Variants in FRMD6 observed in about 807,000 individuals in gnomAD.
FRMD6 encodes the protein FERM domain containing 6.
A neutral mutation model predicts 73.2 loss-of-function variants in FRMD6; 37 were observed. The ratio of observed to expected loss-of-function variants is 0.51; its 90% confidence interval spans 0.39 to 0.66. FRMD6 has a LOEUF of 0.66. Among genes scored for constraint, FRMD6 ranks in the 30% least tolerant of loss-of-function variants. FRMD6 has a pLI of 0.00. For synonymous variants in FRMD6, 273 were observed against 282.2 expected, an observed-to-expected ratio of 0.97 and a Z score of 0.33; for missense variants, 714 against 780.5, an observed-to-expected ratio of 0.91 and a Z score of 1.02.
At chr14:51,523,021 T>C (rs1398502788) in intron 1 of FRMD6, 1 of 152,138 alleles carries the variant, frequency 6.6e-6, no homozygotes, top group African/African-American at 2.4e-5. Flanking sequence ...TGTATGGAAA[T>C]ACAACAAAAT....
chr14:51,709,252 C>G (rs1314642198), intron 7 of FRMD6, among the ~76,000 whole-genome samples: 2 of 152,160 alleles, frequency 1.3e-5, no homozygotes, highest in Non-Finnish European at 2.9e-5. Flanking sequence ...ACTTACTTAA[C>G]CGCTCTGTAC....
At chr14:51,622,525 G>T (rs140626024) in intron 2 of FRMD6, among the ~76,000 whole-genome samples, 1 of 152,056 alleles carries the variant, frequency 6.6e-6, no homozygotes, top group South Asian at 2.1e-4. Flanking sequence ...AGAAGAAAAA[G>T]GTTCATTGTA....
intron 2 of FRMD6, among the ~76,000 whole-genome samples, chr14:51,613,260 A>G (rs902859875): frequency 6.6e-6 from 1 of 152,202 alleles, no homozygotes; most frequent in Non-Finnish European, 1.5e-5. Context: ...CATTGGTGAC[A>G]AAGAAACACA....
rs1898069534 is a variant in FRMD6 at position 51,727,883 on chromosome 14, C to T, written c.1723C>T (p.His575Tyr). ...TCAGAGTTACACCTTTGGATGTGGC[C>T]ATGAACTGGATGAGGAAGGCCTCTA... is the stretch of plus-strand genomic sequence containing the variant. ...TAQSYTFGCG[H>Y]ELDEEGLYCN... The change falls in exon 14 of 14, where the codon CAT becomes TAT. Residue 575 changes from histidine to tyrosine, a missense_variant. By Grantham distance (83) the His-to-Tyr change is moderately conservative (BLOSUM62 2). Coordinates refer to ENST00000344768, the MANE Select transcript of FRMD6 (RefSeq NM_001267046.2). The T allele has an allele frequency of 1.9e-6, 3 of 1,614,054 alleles. No individual in the cohort carries two copies. The highest frequency in any genetic ancestry group is 2.7e-5 in the African/African-American group (2 of 74,910).
chr14:51,427,135 T>A, the FRMD6 span, among the ~76,000 whole-genome samples: 3 of 152,244 alleles, frequency 2.0e-5, no homozygotes, highest in African/African-American at 7.2e-5. Context: ...GCTCAGGACC[T>A]TTTATTAGCA....
chr14:51,526,342 C>T (rs1179625463), intron 1 of FRMD6, among the ~76,000 whole-genome samples: 1 of 152,212 alleles, frequency 6.6e-6, no homozygotes, highest in African/African-American at 2.4e-5. Context: ...AAGGTTTTCT[C>T]TGGTCTCTGG....
At chr14:51,447,154 A>G in the FRMD6 span, among the ~76,000 whole-genome samples, 3 of 152,186 alleles carry the variant, frequency 2.0e-5, no homozygotes, top group Non-Finnish European at 4.4e-5. Flanking sequence ...ATGGAGTAGA[A>G]AAGCGTAAAT....
At chr14:51,550,056 T>C (rs1459422949) in intron 1 of FRMD6, among the ~76,000 whole-genome samples, 1 of 152,194 alleles carries the variant, frequency 6.6e-6, no homozygotes, top group East Asian at 1.9e-4. Context: ...TTAATGATAC[T>C]TCTGCAAATA....
At chr14:51,686,809 TG>T (rs1167229470) in intron 1 of FRMD6, among the ~76,000 whole-genome samples, 1 of 152,134 alleles carries the variant, frequency 6.6e-6, no homozygotes. Flanking sequence ...AAATTCAAAT[TG>T]GTATAAATTT....
rs530068874 is a variant in FRMD6, at chr14:51,514,440, C to G, written c.-210+25020C>G. Among the ~76,000 whole-genome samples, 5 of 152,242 alleles carry G rather than the reference C, an allele frequency of 3.3e-5. No homozygotes were observed. In the South Asian group the frequency reaches 8.3e-4, roughly 25 times the overall value. On this transcript the variant is annotated intron_variant, in intron 1 of 14. Transcript: ENST00000356218. Reference sequence around the variant, plus strand: ...ATGATAGGTTGATAGGTGCAGTAAACCACCATGGCACATGTATACCTGTGT... The same window carrying G: ...ATGATAGGTTGATAGGTGCAGTAAAGCACCATGGCACATGTATACCTGTGT...
chr14:51,510,843 G>A (rs756467496), intron 1 of FRMD6, among the ~76,000 whole-genome samples: 2 of 152,294 alleles, frequency 1.3e-5, no homozygotes, highest in Non-Finnish European at 2.9e-5. Flanking sequence ...GCAACAATGC[G>A]TGTGATGTAG....
Position 51,704,802 on chromosome 14 carries a change from A to G in FRMD6, c.425A>G (p.His142Arg), listed in dbSNP as rs1164410667. ...TGGCACCTGAGAAAACAAGTTCTTCATTCTCAGTGTGTGCTCCGAGAGGAG... is the reference window on the plus strand; with the variant it reads ...TGGCACCTGAGAAAACAAGTTCTTCGTTCTCAGTGTGTGCTCCGAGAGGAG... Reference protein sequence around the residue: ...YYWHLRKQVLHSQCVLREEAY... With the variant: ...YYWHLRKQVLRSQCVLREEAY... The change falls in exon 6 of 14, where the codon CAT becomes CGT. Residue 142 changes from histidine to arginine, a missense_variant. Coordinates refer to ENST00000344768, the MANE Select transcript of FRMD6 (RefSeq NM_001267046.2). The G allele has an allele frequency of 1.2e-6, 2 of 1,613,380 alleles. No homozygotes were observed. Among genetic ancestry groups the G allele is most frequent in the Admixed American group, 1.7e-5 (1 of 59,918 alleles).
intron 2 of FRMD6, among the ~76,000 whole-genome samples, chr14:51,618,031 T>C (rs1890781761): frequency 6.6e-6 from 1 of 152,138 alleles, no homozygotes; most frequent in Non-Finnish European, 1.5e-5. Context: ...TTACAGTCTA[T>C]GAGTGAAGTT....
At chr14:51,662,550 G>T (rs943690610) in intron 1 of FRMD6, among the ~76,000 whole-genome samples, 1 of 152,184 alleles carries the variant, frequency 6.6e-6, no homozygotes, top group Non-Finnish European at 1.5e-5. Context: ...AATGGGGAAA[G>T]AATTCCCTAT....
At chr14:51,727,193 T>C (rs1301803901) in intron 13 of FRMD6, among the ~76,000 whole-genome samples, 1 of 152,156 alleles carries the variant, frequency 6.6e-6, no homozygotes, top group Non-Finnish European at 1.5e-5. Flanking sequence ...ACCCAAGAAT[T>C]CTGGCCTTTT....
At chr14:51,473,824 CTTTT>C in the FRMD6 span, among the ~76,000 whole-genome samples, 1 of 144,456 alleles carries the variant, frequency 6.9e-6, no homozygotes, top group Non-Finnish European at 1.5e-5. Context: ...GCTTTCTTTA[CTTTT>C]TTTTTTTTTT....
intron 13 of FRMD6, among the ~76,000 whole-genome samples, chr14:51,727,320 A>AG (rs372848281): frequency 1.3e-5 from 2 of 151,614 alleles, no homozygotes; most frequent in Admixed American, 1.3e-4. Context: ...AAAAAAAAAA[A>AG]GGAAGCCATG....
At chr14:51,637,706 C>T (rs1891634962) in intron 2 of FRMD6, 2 of 152,152 alleles carry the variant, frequency 1.3e-5, no homozygotes, top group Admixed American at 6.5e-5. Flanking sequence ...CAGTTAATTT[C>T]TATAAGTCAC....
chr14:51,455,496 G>A, the FRMD6 span, among the ~76,000 whole-genome samples: 50 of 152,056 alleles, frequency 3.3e-4, no homozygotes, highest in Non-Finnish European at 4.9e-4. Flanking sequence ...TGCATTTGTC[G>A]GGCAGTTTTT....
Sources: allele counts gnomAD v4.1 joint callset (sites outside exome capture counted in the v4.1 genomes callset), GRCh38; gene constraint gnomAD v4.1.1; transcripts MANE v1.5; gene names NCBI Gene and HGNC (gene_info 2026-07-23, HGNC 2026-07-21).